Variants in FUBP3 observed in about 807,000 individuals in gnomAD.
FUBP3 encodes far upstream element-binding protein 3.
FUBP3 carries 28 observed loss-of-function variants against 85.6 expected under a neutral mutation model. That is an observed-to-expected ratio of 0.33 (90% CI 0.24 to 0.45). The LOEUF (loss-of-function observed/expected upper bound fraction) is 0.45. Ranked by LOEUF, FUBP3 falls within the 20% of genes least tolerant of loss-of-function variation. The pLI is 1.00. For missense variants in FUBP3, 583 were observed against 755.1 expected (o/e 0.77, Z 2.67); for synonymous variants, 271 against 271.4 (o/e 1.00, Z 0.01).
At chr9:130,628,943 A>G (rs1830102219) in intron 12 of FUBP3, among the ~76,000 whole-genome samples, 1 of 151,908 alleles carries the variant, frequency 6.6e-6, no homozygotes, top group South Asian at 2.1e-4. Context: ...CTAATTTTGT[A>G]TTTTTAGTAG....
intron 2 of FUBP3, among the ~76,000 whole-genome samples, chr9:130,597,773 C>T (rs1830943092): frequency 2.0e-5 from 3 of 152,164 alleles, no homozygotes; most frequent in Admixed American, 2.0e-4. Flanking sequence ...AAACAGTGCT[C>T]AACAGAAGAC....
intron 12 of FUBP3, among the ~76,000 whole-genome samples, chr9:130,627,291 G>A (rs1381258701): frequency 6.6e-6 from 1 of 152,244 alleles, no homozygotes; most frequent in African/African-American, 2.4e-5. Flanking sequence ...CTGCCAGCGG[G>A]GGACTCCCGT....
rs1588165466 is a variant in FUBP3 at position 130,630,625 on chromosome 9, C to T, written c.1118-3C>T. The T allele has an allele frequency of 1.3e-6, 2 of 1,592,344 alleles. No homozygotes were observed. Among genetic ancestry groups the T allele is most frequent in the Non-Finnish European group, 8.5e-7 (1 of 1,170,034 alleles). On this transcript the variant is annotated splice_polypyrimidine_tract_variant and splice_region_variant and intron_variant, in intron 12 of 18. Transcript: ENST00000319725. ...TCTTCTGCCTGTGTTGTGCTGTCCGCAGGGGGTGAGAACATCAAAAGCATC... is the reference window on the plus strand; with the variant it reads ...TCTTCTGCCTGTGTTGTGCTGTCCGTAGGGGGTGAGAACATCAAAAGCATC...
rs1554733120 is a variant in FUBP3 at position 130,589,673 on chromosome 9, G to GTGTGTGTGTATGTGTA, written c.85-5807_85-5806insGTGTGTATGTGTATGT. 7.0e-3 allele frequency among the ~76,000 whole-genome samples: 198 copies of GTGTGTGTGTATGTGTA among 28,268 alleles called. 4 individuals carry two copies. Among genetic ancestry groups the GTGTGTGTGTATGTGTA allele is most frequent in the Non-Finnish European group, 0.011 (168 of 14,978 alleles). 18.5% of individuals were successfully genotyped at this position (28,268 alleles called of 152,430 possible). Reference sequence around the variant, plus strand: ...TTATTTTAAATATGTATGTATGTGTGTGTATATATATATATATATATATAT... The same window carrying GTGTGTGTGTATGTGTA: ...TTATTTTAAATATGTATGTATGTGTGTGTGTGTGTATGTGTATGTATATATATATATATATATATAT... On this transcript the variant is annotated intron_variant, in intron 1 of 18. Transcript: ENST00000319725.
intron 16 of FUBP3, among the ~76,000 whole-genome samples, chr9:130,632,561 C>T (rs573864185): frequency 5.9e-5 from 9 of 152,358 alleles, no homozygotes; most frequent in African/African-American, 2.2e-4. Context: ...TTCTGGGCCT[C>T]TGTCACTTTC....
chr9:130,606,590 G>A (rs1263131254), intron 2 of FUBP3, among the ~76,000 whole-genome samples: 2 of 152,118 alleles, frequency 1.3e-5, no homozygotes, highest in African/African-American at 2.4e-5. Flanking sequence ...GGAGGCTAAA[G>A]TGGGCGGATC....
rs754992820 is a variant in FUBP3, at chr9:130,595,520, A to G, written c.122A>G (p.Asn41Ser). Reference protein sequence around the residue: ...AKIDSIPHLNNSTPLVDPSVY... With the variant: ...AKIDSIPHLNSSTPLVDPSVY... Reference sequence around the variant, plus strand: ...ATTGATTCAATTCCTCACTTGAATAATTCCACACCTCTAGTGGACCCCTCA... The same window carrying G: ...ATTGATTCAATTCCTCACTTGAATAGTTCCACACCTCTAGTGGACCCCTCA... The change falls in exon 2 of 19, where the codon AAT becomes AGT. Residue 41 changes from asparagine (N) to serine (S), a missense_variant. Asn to Ser is a conservative substitution (Grantham distance 46, BLOSUM62 1). Transcript: ENST00000319725. 1 of 1,592,144 alleles carries G rather than the reference A, an allele frequency of 6.3e-7. No individual in the cohort carries two copies. Among genetic ancestry groups the G allele is most frequent in the South Asian group, 1.1e-5 (1 of 90,668 alleles).
At chr9:130,584,059 T>C (rs1006047684) in intron 1 of FUBP3, among the ~76,000 whole-genome samples, 1 of 152,158 alleles carries the variant, frequency 6.6e-6, no homozygotes, top group African/African-American at 2.4e-5. Context: ...TTTTAAAATC[T>C]GATAGCCCAT....
chr9:130,618,625 C>A (rs1177108749), intron 8 of FUBP3, among the ~76,000 whole-genome samples: 2 of 152,206 alleles, frequency 1.3e-5, no homozygotes, highest in African/African-American at 4.8e-5. Context: ...AAACACAGAT[C>A]TACTTTTTTC....
intron 16 of FUBP3, 81 bp from the exon 17 acceptor site, chr9:130,634,581 TGCAGG>T: frequency 9.4e-7 from 1 of 1,060,626 alleles, no homozygotes; most frequent in Non-Finnish European, 1.4e-6. Flanking sequence ...GGTGGAGGAG[TGCAGG>T]GCAGGGCCTG....
rs201272383 is a variant in FUBP3 at position 130,616,370 on chromosome 9, C to T, written c.420C>T (p.Leu140=). ...TPESIEQAKR[L]LGQIVDRCRN... The stretch of plus-strand genomic sequence containing the variant: ...CCTCCCAAAGACAAGCCAAACGGCT[C>T]CTGGGACAGATTGTGGACCGCTGTC... The change falls in exon 7 of 19, where the codon CTC becomes CTT. Residue 140 remains leucine (L), a synonymous_variant. Coordinates refer to ENST00000319725, the MANE Select transcript of FUBP3 (RefSeq NM_003934.2). The surrounding 1 kb of genome is among the most constrained non-coding windows in gnomAD (Gnocchi z 4.7). The T allele has an allele frequency of 1.9e-6, 3 of 1,614,030 alleles. No homozygotes were observed. The highest frequency in any genetic ancestry group is 2.7e-5 in the African/African-American group (2 of 74,914).
intron 3 of FUBP3, among the ~76,000 whole-genome samples, chr9:130,611,669 T>C (rs1564207257): frequency 6.6e-6 from 1 of 151,824 alleles, no homozygotes; most frequent in Non-Finnish European, 1.5e-5. Context: ...TTTAAACTAC[T>C]TGCATTTAGC....
intron 9 of FUBP3, 128 bp downstream of exon 9, chr9:130,620,586 C>T: frequency 2.0e-6 from 1 of 492,884 alleles, no homozygotes; most frequent in Middle Eastern, 3.5e-4. Flanking sequence ...AATTCTCTGG[C>T]TCCTTAGGGT....
Position 130,612,327 on chromosome 9 carries a change from T to C in FUBP3, c.225-129T>C. On this transcript the variant is annotated intron_variant, in intron 3 of 18. Transcript: ENST00000319725. The surrounding 1 kb of genome is among the most constrained non-coding windows in gnomAD (Gnocchi z 4.1). ...TCTTTGTAGGTGGTGGTGGATTTGTTGGCCAAATTGGCCTGATGTATTTTA... is the reference window on the plus strand; with the variant it reads ...TCTTTGTAGGTGGTGGTGGATTTGTCGGCCAAATTGGCCTGATGTATTTTA... The C allele has an allele frequency of 1.6e-6, 1 of 638,714 alleles. No individual in the cohort carries two copies. The highest frequency in any genetic ancestry group is 2.8e-6 in the Non-Finnish European group (1 of 355,876). The allele number at this position is 638,714 out of a possible 1,614,324, so 39.6% of individuals were successfully genotyped here.
intron 2 of FUBP3, among the ~76,000 whole-genome samples, chr9:130,597,816 G>A (rs1830944972): frequency 1.3e-5 from 2 of 152,212 alleles, no homozygotes; most frequent in Admixed American, 6.5e-5. Flanking sequence ...AATACAGAAT[G>A]TAAGAAGCCT....
chr9:130,593,047 G>A (rs1237604372), intron 1 of FUBP3, among the ~76,000 whole-genome samples: 2 of 151,590 alleles, frequency 1.3e-5, no homozygotes, highest in Non-Finnish European at 2.9e-5. Context: ...TACCAAGCTT[G>A]CTCCTGCCTC....
chr9:130,628,852 C>T (rs1226931854), intron 12 of FUBP3, among the ~76,000 whole-genome samples: 1 of 152,184 alleles, frequency 6.6e-6, no homozygotes, highest in Non-Finnish European at 1.5e-5. Context: ...TCACTGCAAC[C>T]TCCGCCTCTG....
At chr9:130,613,094 C>T (rs1405475722) in intron 5 of FUBP3, 67 bp downstream of exon 5, 16 of 986,846 alleles carry the variant, frequency 1.6e-5, no homozygotes, top group South Asian at 2.7e-5. Context: ...TTTCCAGATT[C>T]GGTACTTTGC....
intron 11 of FUBP3, among the ~76,000 whole-genome samples, chr9:130,626,131 G>T (rs1307630809): frequency 2.6e-5 from 4 of 152,204 alleles, no homozygotes; most frequent in Non-Finnish European, 5.9e-5. Context: ...GGATACATTT[G>T]AGCTGTTTAT....
Sources: gnomAD v4.1 joint callset for allele counts (sites outside exome capture counted in the v4.1 genomes callset) on GRCh38, gnomAD v4.1.1 for gene constraint, Gnocchi (gnomAD v3.1) non-coding constraint, MANE v1.5 for transcripts, NCBI Gene and HGNC (gene_info 2026-07-23, HGNC 2026-07-21) for gene names.